FHIT: variants seen among roughly 807,000 people sequenced by gnomAD.
The protein encoded by FHIT is fragile histidine triad diadenosine triphosphatase.
A neutral mutation model predicts 17.9 loss-of-function variants in FHIT; 19 were observed. The ratio of observed to expected loss-of-function variants is 1.06; its 90% CI spans 0.74 to 1.56. The LOEUF (loss-of-function observed/expected upper bound fraction) is 1.56. Ranked by LOEUF, FHIT falls within the 40% of genes most tolerant of loss-of-function variation. The probability of loss-of-function intolerance (pLI) is 0.00; values close to 1 mark genes in which losing one functional copy is unlikely to be tolerated. For missense variants in FHIT, 248 were observed against 189.2 expected (o/e 1.31, Z -1.82); for synonymous variants, 81 against 69.7 (o/e 1.16, Z -0.81).
chr3:60,151,414 G>A (rs142964618), intron 5 of FHIT, among the ~76,000 whole-genome samples: 3 of 152,134 alleles, frequency 2.0e-5, no homozygotes, highest in African/African-American at 7.2e-5. Flanking sequence ...TACTTCCAAA[G>A]CCTCCTAATC....
chr3:59,900,321 C>T (rs1197450181), intron 8 of FHIT, among the ~76,000 whole-genome samples: 2 of 152,232 alleles, frequency 1.3e-5, no homozygotes, highest in African/African-American at 4.8e-5. Flanking sequence ...GTCCGCAGAA[C>T]AGGTGAGGCT....
At chr3:61,003,474 G>T (rs970802794) in intron 3 of FHIT, among the ~76,000 whole-genome samples, 1 of 152,158 alleles carries the variant, frequency 6.6e-6, no homozygotes, top group Non-Finnish European at 1.5e-5. Flanking sequence ...TTCATTTAAA[G>T]AATTCTGATG....
intron 2 of FHIT, among the ~76,000 whole-genome samples, chr3:61,064,183 G>T (rs1379408042): frequency 6.6e-6 from 1 of 152,112 alleles, no homozygotes; most frequent in Admixed American, 6.6e-5. Context: ...GAAATCGAAA[G>T]ATATCTGCTA....
chr3:60,450,816 C>T (rs571075058), intron 5 of FHIT, among the ~76,000 whole-genome samples: 8 of 152,218 alleles, frequency 5.3e-5, no homozygotes, highest in African/African-American at 1.7e-4. Context: ...CTGCTTGTAA[C>T]GAGCCAGTGA....
chr3:59,779,853 A>G (rs1031337469), intron 8 of FHIT, among the ~76,000 whole-genome samples: 5 of 152,190 alleles, frequency 3.3e-5, no homozygotes, highest in Admixed American at 3.3e-4. Context: ...GGGATAAACA[A>G]ATTGTAAGGA....
At chr3:59,821,567 C>G (rs931266899) in intron 8 of FHIT, among the ~76,000 whole-genome samples, 2 of 152,132 alleles carry the variant, frequency 1.3e-5, no homozygotes, top group African/African-American at 4.8e-5. Flanking sequence ...AGAGTTCTCC[C>G]TCAGTTGCTC....
chr3:60,854,859 G>C (rs1343588504), intron 3 of FHIT, among the ~76,000 whole-genome samples: 1 of 152,120 alleles, frequency 6.6e-6, no homozygotes, highest in Non-Finnish European at 1.5e-5. Context: ...TCAGATTTCT[G>C]TTAGGAAAGA....
At chr3:60,304,314 C>G (rs1708577070) in intron 5 of FHIT, among the ~76,000 whole-genome samples, 1 of 151,970 alleles carries the variant, frequency 6.6e-6, no homozygotes, top group Non-Finnish European at 1.5e-5. Context: ...CAGAAAGATT[C>G]CTTTACTTTT....
chr3:60,174,795 T>C (rs1248736029), intron 5 of FHIT, among the ~76,000 whole-genome samples: 3 of 152,288 alleles, frequency 2.0e-5, no homozygotes, highest in Admixed American at 6.5e-5. Flanking sequence ...TAAAACGCCA[T>C]GCCCACTCAG....
intron 2 of FHIT, among the ~76,000 whole-genome samples, chr3:61,175,299 C>T (rs770755486): frequency 6.6e-6 from 1 of 152,090 alleles, no homozygotes; most frequent in Non-Finnish European, 1.5e-5. Flanking sequence ...AATATACTCC[C>T]GAGCCACCAC....
chr3:60,123,967 A>ATATATATATATATATATAT lies in FHIT; in HGVS notation c.104-109816_104-109815insATATATATATATATATATA, dbSNP rs1705378774. Among the ~76,000 whole-genome samples, 5 of 27,788 alleles carry ATATATATATATATATATAT rather than the reference A, an allele frequency of 1.8e-4. 1 individual carries two copies. The highest frequency in any genetic ancestry group is 2.8e-4 in the African/African-American group (2 of 7,024). 18.2% of individuals were successfully genotyped at this position (27,788 alleles called of 152,430 possible). A position where few individuals can be genotyped will look rare whatever the true frequency, so the allele number is the denominator to read the frequency against. On this transcript the variant is annotated intron_variant, in intron 5 of 9. Transcript: ENST00000492590. ...CTTCCATTAACAGAAATGCACTAAA[A>ATATATATATATATATATAT]ATATATATATATATATATATATATA... is the stretch of plus-strand genomic sequence containing the variant.
intron 2 of FHIT, among the ~76,000 whole-genome samples, chr3:61,157,589 C>T (rs969839769): frequency 6.6e-6 from 1 of 152,036 alleles, no homozygotes; most frequent in Non-Finnish European, 1.5e-5. Context: ...GAAGTTTGCC[C>T]AGAAGCAGCA....
At chr3:60,211,109 GAAGAA>G (rs896933005) in intron 5 of FHIT, among the ~76,000 whole-genome samples, 12 of 134,626 alleles carry the variant, frequency 8.9e-5, no homozygotes, top group Non-Finnish European at 1.6e-4. Flanking sequence ...AGAGGAAAAA[GAAGAA>G]AAGAAATCAT....
intron 8 of FHIT, among the ~76,000 whole-genome samples, chr3:59,771,293 T>C (rs1010991030): frequency 3.3e-5 from 5 of 152,164 alleles, no homozygotes; most frequent in Non-Finnish European, 7.3e-5. Flanking sequence ...ACCTGCTCTA[T>C]AAAGGCCAAA....
intron 5 of FHIT, among the ~76,000 whole-genome samples, chr3:60,518,061 C>CA (rs543195929): frequency 1.5e-3 from 222 of 151,664 alleles, no homozygotes; most frequent in African/African-American, 5.1e-3. Flanking sequence ...AAAACTCATT[C>CA]AAAAAAAATC....
chr3:60,322,029 C>T (rs1709455869), intron 5 of FHIT, among the ~76,000 whole-genome samples: 1 of 152,176 alleles, frequency 6.6e-6, no homozygotes. Context: ...CAGACCTTAG[C>T]AATATTCATC....
chr3:61,071,642 A>C lies in FHIT; in HGVS notation c.-163-29543T>G, dbSNP rs74317603. Among the ~76,000 whole-genome samples, 226 of 152,336 alleles carry C rather than the reference A, an allele frequency of 1.5e-3. 7 individuals are homozygous for C. In the East Asian group the frequency reaches 0.038, roughly 26 times the overall value. ...ACATAAAGTTAAGTGGAACAGCAAG[A>C]TATAAAACAGTCTATGCAGCCTATT... is the stretch of plus-strand genomic sequence containing the variant. On this transcript the variant is annotated intron_variant, in intron 2 of 9. Transcript: ENST00000492590.
chr3:60,947,894 T>C (rs1183068333), intron 3 of FHIT, among the ~76,000 whole-genome samples: 1 of 152,236 alleles, frequency 6.6e-6, no homozygotes, highest in Non-Finnish European at 1.5e-5. Flanking sequence ...AAGTAAAGCA[T>C]TTCTGGTTAG....
At chr3:60,977,740 G>A (rs901858311) in intron 3 of FHIT, among the ~76,000 whole-genome samples, 6 of 152,020 alleles carry the variant, frequency 3.9e-5, no homozygotes, top group Admixed American at 6.6e-5. Context: ...GTGTGGTGGC[G>A]CATGCCTGTA....
Sources: gnomAD v4.1 joint callset for allele counts (sites outside exome capture counted in the v4.1 genomes callset) on GRCh38, gnomAD v4.1.1 for gene constraint, MANE v1.5 for transcripts, NCBI Gene and HGNC (gene_info 2026-07-23, HGNC 2026-07-21) for gene names.